ANXA5: variants seen among roughly 807,000 people sequenced by gnomAD.
ANXA5 encodes the protein annexin A5.
A neutral mutation model predicts 48.1 loss-of-function variants in ANXA5; 40 were observed. The ratio of observed to expected loss-of-function variants is 0.83; its 90% CI spans 0.65 to 1.08. The LOEUF is 1.08. Among genes scored for constraint, ANXA5 ranks in the 50% least tolerant of loss-of-function variants. ANXA5 has a pLI of 0.00. For synonymous variants in ANXA5, 113 were observed against 129.1 expected (o/e 0.88, Z 0.85); for missense variants, 357 against 376.8 (o/e 0.95, Z 0.44).
At position 121,671,570 on chromosome 4, in the gene ANXA5, A is replaced by G. The variant is rs768203545; in HGVS notation, c.698T>C (p.Leu233Ser). 3 of 1,613,322 alleles carry G rather than the reference A, an allele frequency of 1.9e-6. No homozygotes were observed. Among genetic ancestry groups the G allele is most frequent in the South Asian group, 1.1e-5 (1 of 91,044 alleles). Residue 233 changes from leucine to serine, a missense_variant, in exon 10 of 13, where the codon TTA becomes TCA. Transcript: ENST00000296511. ...ACCAACAGCAAGGAGTAGTTGCTCTAAATTGCCAGAAGTCTCGCGGTCAAT... is the reference window on the plus strand; with the variant it reads ...ACCAACAGCAAGGAGTAGTTGCTCTGAATTGCCAGAAGTCTCGCGGTCAAT... ...ETIDRETSGN[L>S]EQLLLAVVKS...
intron 2 of ANXA5, among the ~76,000 whole-genome samples, chr4:121,692,884 T>C (rs1032117040): frequency 3.9e-5 from 6 of 152,186 alleles, no homozygotes; most frequent in Admixed American, 1.3e-4. Flanking sequence ...ATAGTGAAAA[T>C]GCAAAAGCCT....
chr4:121,680,441 T>A (rs1193916827), intron 6 of ANXA5, among the ~76,000 whole-genome samples: 1 of 152,224 alleles, frequency 6.6e-6, no homozygotes. Flanking sequence ...GCATTTAACA[T>A]CATTGGTATT....
chr4:121,675,241 C>A (rs1170637096), intron 8 of ANXA5, among the ~76,000 whole-genome samples: 1 of 152,178 alleles, frequency 6.6e-6, no homozygotes, highest in Non-Finnish European at 1.5e-5. Flanking sequence ...ACGTTCAGTT[C>A]CCAAGTGAAT....
At chr4:121,684,535 G>T in intron 4 of ANXA5, 142 bp downstream of exon 4, 1 of 665,576 alleles carries the variant, frequency 1.5e-6, no homozygotes, top group African/African-American at 1.8e-5. Flanking sequence ...ATAATTTAGA[G>T]GAGAGTGGAA....
intron 7 of ANXA5, 36 bp from the exon 8 acceptor site, chr4:121,677,986 G>A: frequency 6.4e-7 from 1 of 1,561,488 alleles, no homozygotes; most frequent in African/African-American, 1.4e-5. Flanking sequence ...CTGAACTATA[G>A]AGCATTCTCA....
chr4:121,693,445 A>C (rs900500052), intron 2 of ANXA5, among the ~76,000 whole-genome samples: 2 of 152,188 alleles, frequency 1.3e-5, no homozygotes, highest in Admixed American at 6.5e-5. Context: ...AATAGTATGA[A>C]GGTTATATGA....
intron 2 of ANXA5, among the ~76,000 whole-genome samples, chr4:121,694,225 A>C (rs1725039268): frequency 6.6e-6 from 1 of 151,392 alleles, no homozygotes; most frequent in Non-Finnish European, 1.5e-5. Flanking sequence ...TTGTGCACAC[A>C]TACCCTAGAA....
At chr4:121,668,648 T>A in intron 12 of ANXA5, 121 bp from the exon 13 acceptor site, 1 of 771,242 alleles carries the variant, frequency 1.3e-6, no homozygotes, top group Non-Finnish European at 2.2e-6. Context: ...GTAATCTCTG[T>A]GACTTTCACA....
intron 2 of ANXA5, 80 bp from the exon 3 acceptor site, chr4:121,686,452 CTATA>C: frequency 1.0e-6 from 1 of 1,000,252 alleles, no homozygotes; most frequent in Admixed American, 1.9e-5. Flanking sequence ...AAGCCGCTTG[CTATA>C]TATCATATTC....
chr4:121,668,329 C>T lies in ANXA5; in HGVS notation c.*139G>A, dbSNP rs1307992305. The T allele has an allele frequency of 3.2e-5, 22 of 683,902 alleles. No homozygotes were observed. The highest frequency in any genetic ancestry group is 2.3e-4 in the South Asian group (13 of 56,460). The allele number at this position is 683,902 out of a possible 1,614,324, so 42.4% of individuals were successfully genotyped here. A position where few individuals can be genotyped will look rare whatever the true frequency, so the allele number is the denominator to read the frequency against. On this transcript the variant is annotated 3_prime_UTR_variant, in exon 13 of 13. Coordinates refer to ENST00000296511, the MANE Select transcript of ANXA5 (RefSeq NM_001154.4). ...GAAGCACCACTATTTTCTTCTATGACGTGTATGTGTTGGTCATGAGCATGC... is the reference window on the plus strand; with the variant it reads ...GAAGCACCACTATTTTCTTCTATGATGTGTATGTGTTGGTCATGAGCATGC...
chr4:121,686,645 T>G (rs1406783792), intron 2 of ANXA5, among the ~76,000 whole-genome samples: 1 of 152,044 alleles, frequency 6.6e-6, no homozygotes, highest in Admixed American at 6.5e-5. Flanking sequence ...CACCAACACC[T>G]CCTGGTTCAC....
At chr4:121,684,860 T>C in intron 3 of ANXA5, 89 bp from the exon 4 acceptor site, 1 of 932,022 alleles carries the variant, frequency 1.1e-6, no homozygotes, top group Admixed American at 1.8e-5. Flanking sequence ...TCACCTTATT[T>C]CCTTGCCTCT....
chr4:121,668,735 C>A (rs1416897287), intron 12 of ANXA5, among the ~76,000 whole-genome samples: 2 of 151,896 alleles, frequency 1.3e-5, no homozygotes, highest in African/African-American at 4.8e-5. Context: ...CACAAAGAAT[C>A]AGGCAACTTT....
intron 2 of ANXA5, 119 bp from the exon 3 acceptor site, chr4:121,686,491 G>T: frequency 1.3e-6 from 1 of 765,886 alleles, no homozygotes; most frequent in Non-Finnish European, 2.1e-6. Flanking sequence ...TTTACCATTT[G>T]ATAAGATTTG....
At chr4:121,689,311 C>T (rs1306556565) in intron 2 of ANXA5, among the ~76,000 whole-genome samples, 1 of 152,166 alleles carries the variant, frequency 6.6e-6, no homozygotes, top group Non-Finnish European at 1.5e-5. Flanking sequence ...TGTCTTTTTA[C>T]TCATTGACTC....
At chr4:121,685,075 C>T (rs1724862079) in intron 3 of ANXA5, among the ~76,000 whole-genome samples, 1 of 148,766 alleles carries the variant, frequency 6.7e-6, no homozygotes, top group African/African-American at 2.5e-5. Context: ...TATATATACA[C>T]ACACACACAC....
At chr4:121,693,799 C>T (rs1725026978) in intron 2 of ANXA5, among the ~76,000 whole-genome samples, 1 of 152,042 alleles carries the variant, frequency 6.6e-6, no homozygotes, top group African/African-American at 2.4e-5. Flanking sequence ...TCTAAGATCC[C>T]AAAAGTGAAC....
intron 6 of ANXA5, among the ~76,000 whole-genome samples, chr4:121,680,455 C>T (rs1401408824): frequency 1.3e-5 from 2 of 152,212 alleles, no homozygotes; most frequent in East Asian, 3.8e-4. Context: ...TGGTATTTTA[C>T]TTTAGTTTGA....
intron 8 of ANXA5, among the ~76,000 whole-genome samples, chr4:121,676,087 CTT>C: frequency 6.6e-6 from 1 of 152,150 alleles, no homozygotes; most frequent in Non-Finnish European, 1.5e-5. Flanking sequence ...CTATCCTACT[CTT>C]GACAGTAGGA....
Sources: allele counts gnomAD v4.1 joint callset (sites outside exome capture counted in the v4.1 genomes callset), GRCh38; gene constraint gnomAD v4.1.1; transcripts MANE v1.5; gene names NCBI Gene and HGNC (gene_info 2026-07-23, HGNC 2026-07-21).